EFHB: variants seen among roughly 807,000 people sequenced by gnomAD.
EFHB encodes the protein EF-hand domain family member B, also known as EF-hand domain-containing family member B.
In EFHB, 91 loss-of-function variants were observed where a neutral mutation model predicts 87.2. That is an observed-to-expected ratio of 1.04 (90% CI 0.88 to 1.24). The LOEUF is 1.24. Among genes scored for constraint, EFHB ranks in the 50% most tolerant of loss-of-function variants. EFHB has a pLI of 0.00. For synonymous variants in EFHB, 325 were observed against 333.6 expected, an observed-to-expected ratio of 0.97 and a Z score of 0.28; for missense variants, 1,084 against 998.8, an observed-to-expected ratio of 1.09 and a Z score of -1.15.
chr3:19,904,345 C>T (rs1214538431), intron 6 of EFHB, among the ~76,000 whole-genome samples: 1 of 152,162 alleles, frequency 6.6e-6, no homozygotes, highest in African/African-American at 2.4e-5. Context: ...TCTAACAGCT[C>T]TAGGGGAGAA....
At position 19,888,444 on chromosome 3, in the gene EFHB, C is replaced by A; in HGVS notation, c.1933G>T (p.Gly645Cys). Residue 645 changes from glycine to cysteine, a missense_variant and splice_region_variant, in exon 10 of 13, where the codon GGT becomes TGT. By Grantham distance (159) the Gly-to-Cys change is radical. Coordinates refer to ENST00000295824, the MANE Select transcript of EFHB (RefSeq NM_144715.4). Reference protein sequence around the residue: ...KEYEERVIIKGRKPDCVNPTE... With the variant: ...KEYEERVIIKCRKPDCVNPTE... Reference sequence around the variant, plus strand: ...CATCAAACCTTCAAAAATTAAATACCTTTAATAATGACCCTCTCTTCATAC... The same window carrying A: ...CATCAAACCTTCAAAAATTAAATACATTTAATAATGACCCTCTCTTCATAC... The A allele has an allele frequency of 2.0e-6, 3 of 1,467,890 alleles. No individual in the cohort carries two copies. The highest frequency in any genetic ancestry group is 2.7e-6 in the Non-Finnish European group (3 of 1,091,696). The allele number at this position is 1,467,890 out of a possible 1,614,324, so 90.9% of individuals were successfully genotyped here.
intron 1 of EFHB, among the ~76,000 whole-genome samples, chr3:19,928,078 C>A (rs1447736548): frequency 6.6e-6 from 1 of 151,514 alleles, no homozygotes; most frequent in Non-Finnish European, 1.5e-5. Context: ...ACCCTAATAC[C>A]AAGCACAAAA....
chr3:19,934,914 ATTT>A (rs11353478), upstream of EFHB, among the ~76,000 whole-genome samples: 6 of 148,614 alleles, frequency 4.0e-5, no homozygotes, highest in Admixed American at 1.3e-4. Flanking sequence ...ATTTAAAGTA[ATTT>A]TTTTTTTTTT....
intron 2 of EFHB, 120 bp downstream of exon 2, chr3:19,920,385 G>T: frequency 3.7e-6 from 3 of 813,830 alleles, no homozygotes; most frequent in Non-Finnish European, 5.8e-6. Flanking sequence ...ATACAGCAAA[G>T]AATCCAAATT....
chr3:19,889,796 C>T (rs1694241731), intron 9 of EFHB, among the ~76,000 whole-genome samples: 1 of 152,152 alleles, frequency 6.6e-6, no homozygotes, highest in African/African-American at 2.4e-5. Context: ...CTTTGGGAGC[C>T]TGACCAACAC....
chr3:19,891,198 C>T (rs1559448165), intron 9 of EFHB, among the ~76,000 whole-genome samples: 1 of 152,126 alleles, frequency 6.6e-6, no homozygotes. Context: ...TACTGAGTAG[C>T]TGGCACTACC....
intron 1 of EFHB, chr3:19,942,968 G>T (rs933829580): frequency 4.1e-6 from 1 of 241,818 alleles, no homozygotes; most frequent in South Asian, 5.7e-5. Context: ...TTTCTGGACA[G>T]AAGTTTTTTT....
chr3:19,943,112 CA>C, intron 1 of EFHB: 1 of 247,688 alleles, frequency 4.0e-6, no homozygotes. Context: ...GATTTGGCAT[CA>C]AAAACTGTGT....
intron 1 of EFHB, among the ~76,000 whole-genome samples, chr3:19,939,531 C>G (rs373651773): frequency 5.0e-4 from 75 of 151,016 alleles, no homozygotes; most frequent in African/African-American, 1.8e-3. Flanking sequence ...ACTACAGGCG[C>G]CCGCCACCAC....
chr3:19,912,464 C>A (rs183404336), intron 5 of EFHB, among the ~76,000 whole-genome samples: 37 of 151,872 alleles, frequency 2.4e-4, no homozygotes, highest in African/African-American at 8.7e-4. Flanking sequence ...TAAGGGAGTA[C>A]TTCAATTTCA....
intron 6 of EFHB, among the ~76,000 whole-genome samples, chr3:19,902,551 C>A (rs1250775178): frequency 6.6e-6 from 1 of 151,914 alleles, no homozygotes; most frequent in Non-Finnish European, 1.5e-5. Flanking sequence ...GACAGGGCTT[C>A]ACTATGTGGC....
intron 5 of EFHB, among the ~76,000 whole-genome samples, chr3:19,913,116 C>A (rs1235738825): frequency 2.6e-5 from 4 of 152,048 alleles, no homozygotes; most frequent in African/African-American, 7.2e-5. Flanking sequence ...ATAATAAAAG[C>A]CGTATACAAC....
chr3:19,905,232 A>G (rs1212566142), intron 6 of EFHB, among the ~76,000 whole-genome samples: 1 of 152,192 alleles, frequency 6.6e-6, no homozygotes, highest in Non-Finnish European at 1.5e-5. Flanking sequence ...AGCCTGAGCA[A>G]TAGAGCAAGA....
At chr3:19,919,582 CT>C (rs571537045) in intron 3 of EFHB, among the ~76,000 whole-genome samples, 53 of 152,226 alleles carry the variant, frequency 3.5e-4, no homozygotes, top group African/African-American at 1.2e-3. Flanking sequence ...TGCAACTAGG[CT>C]TTTATCATTT....
chr3:19,895,200 G>T (rs1559450629), intron 9 of EFHB, among the ~76,000 whole-genome samples: 1 of 151,120 alleles, frequency 6.6e-6, no homozygotes, highest in Admixed American at 6.6e-5. Context: ...AATATGCTTG[G>T]GCCAGGCGCG....
chr3:19,925,286 C>CA (rs1410934116), intron 1 of EFHB, among the ~76,000 whole-genome samples: 2 of 148,980 alleles, frequency 1.3e-5, no homozygotes, highest in Admixed American at 6.7e-5. Context: ...TATGAATAGA[C>CA]AAACACCCCC....
At chr3:19,918,664 T>C (rs1234855817) in intron 3 of EFHB, among the ~76,000 whole-genome samples, 1 of 152,100 alleles carries the variant, frequency 6.6e-6, no homozygotes, top group African/African-American at 2.4e-5. Context: ...GCTTCCAGGT[T>C]ACTTGACTCA....
At chr3:19,889,188 A>C (rs1350462897) in intron 9 of EFHB, among the ~76,000 whole-genome samples, 1 of 152,194 alleles carries the variant, frequency 6.6e-6, no homozygotes, top group East Asian at 1.9e-4. Context: ...TTAAAGACAG[A>C]AGTACCTACA....
At chr3:19,923,340 AG>A (rs1363243609) in intron 1 of EFHB, among the ~76,000 whole-genome samples, 2 of 151,244 alleles carry the variant, frequency 1.3e-5, no homozygotes, top group Non-Finnish European at 2.9e-5. Flanking sequence ...TTTTCTTTGT[AG>A]TACCTAATGT....
Sources: gnomAD v4.1 joint callset for allele counts (sites outside exome capture counted in the v4.1 genomes callset) on GRCh38, gnomAD v4.1.1 for gene constraint, MANE v1.5 for transcripts, NCBI Gene and HGNC (gene_info 2026-07-23, HGNC 2026-07-21) for gene names.